FARS2: variants seen among roughly 807,000 people sequenced by gnomAD.
FARS2 encodes phenylalanyl-tRNA synthetase 2, mitochondrial.
In FARS2, 40 loss-of-function variants were observed where a neutral mutation model predicts 46.4. The ratio of observed to expected loss-of-function variants is 0.86; its 90% confidence interval spans 0.67 to 1.12. FARS2 has a LOEUF of 1.12. FARS2 is among the 50% of genes most tolerant of loss of function. The probability of loss-of-function intolerance (pLI) is 0.00; values close to 1 mark genes in which losing one functional copy is unlikely to be tolerated. For synonymous variants in FARS2, 234 were observed against 214.9 expected (o/e 1.09, Z -0.78); for missense variants, 513 against 567.9 (o/e 0.90, Z 0.98).
intron 1 of FARS2, among the ~76,000 whole-genome samples, chr6:5,308,618 C>G (rs1768886099): frequency 6.6e-6 from 1 of 152,200 alleles, no homozygotes; most frequent in South Asian, 2.1e-4. Context: ...TTACTCTCGC[C>G]CTGTGTCCTT....
At chr6:5,684,854 T>C (rs1165909853) in intron 6 of FARS2, among the ~76,000 whole-genome samples, 1 of 152,178 alleles carries the variant, frequency 6.6e-6, no homozygotes, top group African/African-American at 2.4e-5. Context: ...TTTCTGTCAC[T>C]CCCAGCACTC....
At chr6:5,714,635 A>G (rs1398527801) in intron 6 of FARS2, among the ~76,000 whole-genome samples, 3 of 152,196 alleles carry the variant, frequency 2.0e-5, no homozygotes, top group African/African-American at 4.8e-5. Context: ...GTGAGCCCCT[A>G]CTAGGTTTCC....
At chr6:5,749,676 T>C (rs7753758) in intron 6 of FARS2, among the ~76,000 whole-genome samples, 1 of 152,222 alleles carries the variant, frequency 6.6e-6, no homozygotes, top group Non-Finnish European at 1.5e-5. Flanking sequence ...CCTTCTGGCA[T>C]GTTTACAGTT....
intron 5 of FARS2, among the ~76,000 whole-genome samples, chr6:5,563,126 C>G (rs2150541907): frequency 6.6e-6 from 1 of 152,206 alleles, no homozygotes; most frequent in South Asian, 2.1e-4. Flanking sequence ...TCCCCACCTG[C>G]CACGTATACC....
At chr6:5,418,740 GCT>G (rs1355336972) in intron 3 of FARS2, among the ~76,000 whole-genome samples, 2 of 152,058 alleles carry the variant, frequency 1.3e-5, no homozygotes, top group African/African-American at 4.8e-5. Context: ...CAGACTCCCG[GCT>G]CTGTCTCCTC....
intron 3 of FARS2, among the ~76,000 whole-genome samples, chr6:5,427,909 T>G (rs1762939343): frequency 6.6e-6 from 1 of 152,206 alleles, no homozygotes; most frequent in Admixed American, 6.5e-5. Context: ...AAAGCTATAA[T>G]TGTTTTTTCT....
intron 1 of FARS2, among the ~76,000 whole-genome samples, chr6:5,276,469 A>G (rs1766342072): frequency 1.3e-5 from 2 of 152,206 alleles, no homozygotes; most frequent in Admixed American, 1.3e-4. Context: ...ATAAACATGA[A>G]CTGTCTTGGG....
rs1253555077 is a variant in FARS2 at position 5,365,513 on chromosome 6, T to A, written c.-21-3037T>A. On this transcript the variant is annotated intron_variant, in intron 1 of 6. Coordinates refer to ENST00000274680, the MANE Select transcript of FARS2 (RefSeq NM_006567.5). ...CCCGGCTAATTTATTAAATAAAATT[T>A]TTTTTTTTTTTTTTTTTTTGTAGAG... Among the ~76,000 whole-genome samples the A allele has an allele frequency of 6.1e-3, 853 of 139,786 alleles. 6 individuals carry two copies. The highest frequency in any genetic ancestry group is 0.021 in the African/African-American group (801 of 37,372). 91.7% of individuals were successfully genotyped at this position (139,786 alleles called of 152,430 possible). A position where few individuals can be genotyped will look rare whatever the true frequency, so the allele number is the denominator to read the frequency against.
intron 4 of FARS2, among the ~76,000 whole-genome samples, chr6:5,487,034 G>A (rs1008349031): frequency 6.6e-5 from 10 of 151,732 alleles, no homozygotes; most frequent in African/African-American, 2.4e-4. Flanking sequence ...TTGGATATTG[G>A]CTGCTCATGT....
At chr6:5,505,744 A>T (rs1768062955) in intron 4 of FARS2, among the ~76,000 whole-genome samples, 1 of 152,162 alleles carries the variant, frequency 6.6e-6, no homozygotes, top group South Asian at 2.1e-4. Context: ...GCACTTGAGG[A>T]GCAGAGGTAG....
intron 4 of FARS2, among the ~76,000 whole-genome samples, chr6:5,434,428 A>G (rs933641298): frequency 1.3e-5 from 2 of 152,212 alleles, no homozygotes; most frequent in African/African-American, 4.8e-5. Flanking sequence ...TTTAAATTAA[A>G]TATTTCACAA....
chr6:5,641,721 A>G (rs998330214), intron 6 of FARS2, among the ~76,000 whole-genome samples: 1 of 152,230 alleles, frequency 6.6e-6, no homozygotes, highest in Admixed American at 6.5e-5. Context: ...CATACCCCAA[A>G]TTGTTATTGA....
intron 1 of FARS2, among the ~76,000 whole-genome samples, chr6:5,269,821 TA>T (rs1765820010): frequency 6.6e-6 from 1 of 152,218 alleles, no homozygotes; most frequent in African/African-American, 2.4e-5. Flanking sequence ...AGACTGTTAT[TA>T]ACAATAGAAG....
intron 3 of FARS2, among the ~76,000 whole-genome samples, chr6:5,413,844 A>G (rs1172665043): frequency 1.3e-5 from 2 of 151,928 alleles, no homozygotes. Flanking sequence ...GTTATTCCAC[A>G]CCATTTTTTC....
At chr6:5,404,464 CT>C in intron 2 of FARS2, 77 bp from the exon 3 acceptor site, 1 of 959,524 alleles carries the variant, frequency 1.0e-6, no homozygotes. Context: ...TCAAAAGATT[CT>C]TAGCAGAATT....
At chr6:5,683,508 A>C (rs1256466083) in intron 6 of FARS2, among the ~76,000 whole-genome samples, 1 of 152,148 alleles carries the variant, frequency 6.6e-6, no homozygotes, top group Admixed American at 6.5e-5. Context: ...AAGGATTTCT[A>C]GGGATACAGG....
chr6:5,641,186 G>A (rs1227736877), intron 6 of FARS2, among the ~76,000 whole-genome samples: 1 of 152,132 alleles, frequency 6.6e-6, no homozygotes, highest in Non-Finnish European at 1.5e-5. Flanking sequence ...CCATCACAGG[G>A]CCACTGAGAG....
chr6:5,561,643 T>G (rs1561714272), intron 5 of FARS2, among the ~76,000 whole-genome samples: 1 of 152,130 alleles, frequency 6.6e-6, no homozygotes, highest in East Asian at 1.9e-4. Flanking sequence ...TGGATTTGTT[T>G]TGGTTTATCC....
At chr6:5,639,968 G>C (rs1476109842) in intron 6 of FARS2, among the ~76,000 whole-genome samples, 4 of 152,186 alleles carry the variant, frequency 2.6e-5, no homozygotes, top group Non-Finnish European at 5.9e-5. Flanking sequence ...CAGCTCATCT[G>C]GTGGGTTTCG....
Sources: allele counts gnomAD v4.1 joint callset (sites outside exome capture counted in the v4.1 genomes callset), GRCh38; gene constraint gnomAD v4.1.1; transcripts MANE v1.5; gene names NCBI Gene and HGNC (gene_info 2026-07-23, HGNC 2026-07-21).